Variants in CUX1 observed in about 807,000 individuals in gnomAD.
CUX1 encodes cut like homeobox 1, also known as protein CASP.
In CUX1, 31 loss-of-function variants were observed where a neutral mutation model predicts 158.8. That is an observed-to-expected ratio of 0.20 (90% CI 0.15 to 0.26). CUX1 has a LOEUF of 0.26. Among genes scored for constraint, CUX1 ranks in the 10% least tolerant of loss-of-function variants. The probability of loss-of-function intolerance (pLI) is 1.00; values close to 1 mark genes in which losing one functional copy is unlikely to be tolerated. For synonymous variants in CUX1, 879 were observed against 862.1 expected, an observed-to-expected ratio of 1.02 and a Z score of -0.34; for missense variants, 1,589 against 2,014.6, an observed-to-expected ratio of 0.79 and a Z score of 4.04.
intron 1 of CUX1, among the ~76,000 whole-genome samples, chr7:101,911,679 C>G (rs964466601): frequency 6.6e-6 from 1 of 152,284 alleles, no homozygotes; most frequent in Non-Finnish European, 1.5e-5. Flanking sequence ...TGAAGCTCTT[C>G]TGTGCAAGGG....
chr7:102,208,906 C>G (rs189898881), intron 20 of CUX1, among the ~76,000 whole-genome samples: 18 of 152,344 alleles, frequency 1.2e-4, no homozygotes, highest in African/African-American at 4.3e-4. Context: ...GCTTGAGATT[C>G]TGGGCCTCGA....
rs111442887 is a variant in CUX1 at position 102,080,762 on chromosome 7, C to T, written c.268+10345C>T. ...CATGTGTCCTTTCTTCTCACAGGAC[C>T]TCTCTGCACCGAGGCTGTTGGGCTT... On this transcript the variant is annotated intron_variant, in intron 4 of 23. Transcript: ENST00000292535. 6.9e-3 allele frequency among the ~76,000 whole-genome samples: 1,048 copies of T among 152,330 alleles called. 14 individuals are homozygous for T. Among genetic ancestry groups the T allele is most frequent in the African/African-American group, 0.023 (973 of 41,566 alleles).
Position 101,991,423 on chromosome 7 carries a change from A to G in CUX1, c.142-36675A>G, listed in dbSNP as rs530675774. On this transcript the variant is annotated intron_variant, in intron 2 of 23. Transcript: ENST00000292535. ...GCTAGAATTCATAGCCATCTAGCCTATGTATTGGATTTTTATTTCTGTGAT... is the reference window on the plus strand; with the variant it reads ...GCTAGAATTCATAGCCATCTAGCCTGTGTATTGGATTTTTATTTCTGTGAT... 5.9e-5 allele frequency among the ~76,000 whole-genome samples: 9 copies of G among 152,294 alleles called. No individual in the cohort carries two copies. The East Asian group carries it at 1.4e-3, about 23-fold the overall frequency.
At position 101,939,307 on chromosome 7, in the gene CUX1, G is replaced by A. The variant is rs116289723; in HGVS notation, c.141+23082G>A. 5.9e-3 allele frequency among the ~76,000 whole-genome samples: 893 copies of A among 151,896 alleles called. 12 individuals are homozygous for A. Among genetic ancestry groups the A allele is most frequent in the African/African-American group, 0.021 (859 of 41,396 alleles). On this transcript the variant is annotated intron_variant, in intron 2 of 23. Transcript: ENST00000292535. ...TTTCACTTAGCGCAGTGGATTTGCA[G>A]TTCAACAGTGTGGCCGCTGTCAGTG...
At chr7:102,128,723 A>G (rs569860493) in intron 8 of CUX1, among the ~76,000 whole-genome samples, 1 of 152,060 alleles carries the variant, frequency 6.6e-6, no homozygotes, top group Admixed American at 6.6e-5. Flanking sequence ...CTCACCTGTA[A>G]TCCCAGCACT....
At chr7:101,829,483 G>A (rs953602735) in intron 1 of CUX1, among the ~76,000 whole-genome samples, 6 of 152,122 alleles carry the variant, frequency 3.9e-5, no homozygotes, top group South Asian at 2.1e-4. Context: ...GTGAGAAGCC[G>A]GGAGTTGGGG....
At chr7:102,013,153 G>T (rs1818223497) in intron 2 of CUX1, among the ~76,000 whole-genome samples, 1 of 149,412 alleles carries the variant, frequency 6.7e-6, no homozygotes. Flanking sequence ...ACCATCCCAG[G>T]GTTATGAATG....
intron 2 of CUX1, among the ~76,000 whole-genome samples, chr7:101,957,869 G>A (rs948760924): frequency 3.3e-5 from 5 of 152,068 alleles, no homozygotes; most frequent in Admixed American, 1.3e-4. Flanking sequence ...ATCTTTAAAC[G>A]GAAACAGTGG....
intron 1 of CUX1, among the ~76,000 whole-genome samples, chr7:101,865,199 T>C (rs1200664647): frequency 1.3e-5 from 2 of 152,222 alleles, no homozygotes; most frequent in Non-Finnish European, 2.9e-5. Context: ...CGAGGTCCCC[T>C]TGTGGAACTT....
chr7:102,166,124 T>C (rs1237079946), intron 9 of CUX1, among the ~76,000 whole-genome samples: 1 of 152,162 alleles, frequency 6.6e-6, no homozygotes, highest in Non-Finnish European at 1.5e-5. Flanking sequence ...CTGGACACCA[T>C]CGCCAGGTGA....
At chr7:102,265,920 T>C (rs1299990477) in intron 14 of CUX1, among the ~76,000 whole-genome samples, 4 of 151,884 alleles carry the variant, frequency 2.6e-5, no homozygotes, top group Non-Finnish European at 4.4e-5. Flanking sequence ...AAATGAGACT[T>C]AAGGCAGGGG....
chr7:102,211,044 G>A (rs986556411), intron 20 of CUX1, among the ~76,000 whole-genome samples: 1 of 152,140 alleles, frequency 6.6e-6, no homozygotes, highest in African/African-American at 2.4e-5. Context: ...GCAGTCAGTC[G>A]GCTCTCCCAC....
intron 1 of CUX1, among the ~76,000 whole-genome samples, chr7:101,895,891 G>GTTTTTTTTTTTTT (rs66481506): frequency 8.9e-6 from 1 of 112,716 alleles, no homozygotes; most frequent in Non-Finnish European, 1.7e-5. Flanking sequence ...CACCTGTAAA[G>GTTTTTTTTTTTTT]TTTTTTTTTT....
At chr7:102,135,048 G>A (rs1416595886) in intron 8 of CUX1, among the ~76,000 whole-genome samples, 5 of 152,032 alleles carry the variant, frequency 3.3e-5, no homozygotes, top group Admixed American at 2.0e-4. Context: ...TTTCACTCGA[G>A]TTTTAGTGAT....
intron 1 of CUX1, among the ~76,000 whole-genome samples, chr7:101,878,312 T>G (rs1799366946): frequency 6.6e-6 from 1 of 152,214 alleles, no homozygotes; most frequent in Non-Finnish European, 1.5e-5. Context: ...AGGCAGTGAC[T>G]GTCAGTGAGT....
chr7:102,281,292 C>T (rs528625808), intron 20 of CUX1, among the ~76,000 whole-genome samples: 17 of 152,056 alleles, frequency 1.1e-4, no homozygotes, highest in East Asian at 1.9e-4. Context: ...ATCACTTGAG[C>T]CTAGGAAGTC....
At chr7:101,896,700 A>G (rs1801557746) in intron 1 of CUX1, among the ~76,000 whole-genome samples, 1 of 152,238 alleles carries the variant, frequency 6.6e-6, no homozygotes, top group Non-Finnish European at 1.5e-5. Flanking sequence ...CAGTCATGGA[A>G]TTAACAGGTC....
intron 6 of CUX1, among the ~76,000 whole-genome samples, chr7:102,107,953 G>A (rs968256803): frequency 3.3e-5 from 5 of 152,216 alleles, no homozygotes; most frequent in South Asian, 2.1e-4. Context: ...AAAGGAGTGC[G>A]CATCACAGAG....
intron 4 of CUX1, among the ~76,000 whole-genome samples, chr7:102,071,536 G>T (rs1201731004): frequency 1.3e-5 from 2 of 152,070 alleles, no homozygotes; most frequent in Non-Finnish European, 2.9e-5. Context: ...CAAAGAATTG[G>T]AATTACCACC....
Sources: gnomAD v4.1 joint callset for allele counts (sites outside exome capture counted in the v4.1 genomes callset) on GRCh38, gnomAD v4.1.1 for gene constraint, MANE v1.5 for transcripts, NCBI Gene and HGNC (gene_info 2026-07-23, HGNC 2026-07-21) for gene names.